Variants in DGKB observed in about 807,000 individuals in gnomAD.
The protein encoded by DGKB is 90 kDa diacylglycerol kinase.
In DGKB, 67 loss-of-function variants were observed where a neutral mutation model predicts 114.3. The observed-to-expected ratio is 0.59, with a 90% confidence interval of 0.48 to 0.72. DGKB has a LOEUF of 0.72. DGKB is among the 30% of genes least tolerant of loss of function. The probability of loss-of-function intolerance (pLI) is 0.00; values close to 1 mark genes in which losing one functional copy is unlikely to be tolerated. For missense variants in DGKB, 907 were observed against 975.2 expected, an observed-to-expected ratio of 0.93 and a Z score of 0.93; for synonymous variants, 398 against 323.1, an observed-to-expected ratio of 1.23 and a Z score of -2.49.
chr7:14,811,246 C>A (rs914732053), intron 2 of DGKB, among the ~76,000 whole-genome samples: 3 of 152,082 alleles, frequency 2.0e-5, no homozygotes, highest in Admixed American at 6.6e-5. Flanking sequence ...CTTGCTACGT[C>A]ACCTAGGCTG....
At chr7:14,715,208 A>T (rs1827999178) in intron 6 of DGKB, among the ~76,000 whole-genome samples, 1 of 152,154 alleles carries the variant, frequency 6.6e-6, no homozygotes, top group Admixed American at 6.6e-5. Flanking sequence ...AATTAAAAGT[A>T]GGAAAGTGAG....
At chr7:14,774,972 A>C (rs1837940841) in intron 2 of DGKB, among the ~76,000 whole-genome samples, 1 of 152,150 alleles carries the variant, frequency 6.6e-6, no homozygotes, top group African/African-American at 2.4e-5. Flanking sequence ...GTGTAATTAA[A>C]AATGCCCATT....
chr7:14,588,838 G>T (rs1158662849), intron 17 of DGKB, among the ~76,000 whole-genome samples: 1 of 151,950 alleles, frequency 6.6e-6, no homozygotes, highest in Admixed American at 6.6e-5. Flanking sequence ...ATATCTCAGG[G>T]CATGAAGAAT....
intron 23 of DGKB, among the ~76,000 whole-genome samples, chr7:14,196,823 T>C (rs1381148231): frequency 1.3e-5 from 2 of 152,024 alleles, no homozygotes; most frequent in African/African-American, 4.8e-5. Context: ...CCCTTGTATA[T>C]AGACATGTTG....
intron 20 of DGKB, among the ~76,000 whole-genome samples, chr7:14,531,412 A>C (rs890764240): frequency 3.3e-5 from 5 of 151,404 alleles, no homozygotes; most frequent in African/African-American, 1.2e-4. Flanking sequence ...ATATACTAGC[A>C]AGTAATAATC....
At chr7:14,503,433 A>AT (rs1328889675) in intron 20 of DGKB, among the ~76,000 whole-genome samples, 10 of 151,880 alleles carry the variant, frequency 6.6e-5, no homozygotes, top group Non-Finnish European at 1.5e-4. Context: ...CTATTACCTT[A>AT]TTTTTTACCT....
chr7:14,216,856 C>T (rs1406451255), intron 23 of DGKB, among the ~76,000 whole-genome samples: 1 of 151,740 alleles, frequency 6.6e-6, no homozygotes, highest in Admixed American at 6.6e-5. Context: ...AAAGGACTTA[C>T]ACCAATGTGT....
intron 21 of DGKB, among the ~76,000 whole-genome samples, chr7:14,386,071 T>C (rs1446771138): frequency 6.6e-6 from 1 of 152,250 alleles, no homozygotes; most frequent in Non-Finnish European, 1.5e-5. Flanking sequence ...GTGGGACTTG[T>C]TTGAACTTAT....
chr7:14,881,164 T>A (rs1011433971), intron 1 of DGKB, among the ~76,000 whole-genome samples: 1 of 152,164 alleles, frequency 6.6e-6, no homozygotes, highest in Non-Finnish European at 1.5e-5. Context: ...ATTTTGCCAA[T>A]CTGATGAGAG....
At chr7:14,951,434 T>C (rs1050995086) in intron 1 of DGKB, among the ~76,000 whole-genome samples, 4 of 151,980 alleles carry the variant, frequency 2.6e-5, no homozygotes, top group African/African-American at 9.7e-5. Flanking sequence ...ATTCAAATTA[T>C]ATAAGATCCC....
rs543116047 is a variant in DGKB at position 14,911,353 on chromosome 7, A to C, written c.-188+63343T>G. 2.3e-4 allele frequency among the ~76,000 whole-genome samples: 35 copies of C among 152,190 alleles called. No individual in the cohort carries two copies. In the South Asian group the frequency reaches 6.8e-3, roughly 30 times the overall value. On this transcript the variant is annotated intron_variant, in intron 1 of 4. Transcript: ENST00000437998. ...AAGTTATTTCATATTCTGGTGTTGG[A>C]GTATAAGTGTTTCTATTTTCATTTT...
At position 14,457,451 on chromosome 7, in the gene DGKB, A is replaced by C. The variant is rs565862770; in HGVS notation, c.1835+20710T>G. ...GTATTGCTTGCATTTTGGAAACTTT[A>C]AAAAATAATATTCTTGCTATTAATT... On this transcript the variant is annotated intron_variant, in intron 21 of 25. Transcript: ENST00000402815. Among the ~76,000 whole-genome samples, 8 of 152,334 alleles carry C rather than the reference A, an allele frequency of 5.3e-5. No homozygotes were observed. In the East Asian group the frequency reaches 1.5e-3, roughly 29 times the overall value.
At chr7:14,779,619 A>G (rs750572055) in intron 2 of DGKB, among the ~76,000 whole-genome samples, 27 of 152,216 alleles carry the variant, frequency 1.8e-4, no homozygotes, top group Non-Finnish European at 2.8e-4. Flanking sequence ...AATAAAAAGT[A>G]AAGGCTCCCA....
intron 20 of DGKB, among the ~76,000 whole-genome samples, chr7:14,567,457 A>T (rs867628593): frequency 1.4e-5 from 1 of 69,974 alleles, no homozygotes; most frequent in Non-Finnish European, 2.5e-5. Flanking sequence ...TATTATATAT[A>T]ATTATATATT....
At chr7:14,261,594 CAATT>C (rs1796786281) in intron 23 of DGKB, among the ~76,000 whole-genome samples, 1 of 152,018 alleles carries the variant, frequency 6.6e-6, no homozygotes, top group Non-Finnish European at 1.5e-5. Flanking sequence ...TATTTGGATT[CAATT>C]AATCCATAAT....
At chr7:14,808,756 G>C (rs4721376) in intron 2 of DGKB, among the ~76,000 whole-genome samples, 61,221 of 151,932 alleles carry the variant, frequency 0.4, 13,991 homozygotes, top group African/African-American at 0.62. Flanking sequence ...AGAGGCTCTT[G>C]ATGAAACAGT....
intron 23 of DGKB, among the ~76,000 whole-genome samples, chr7:14,269,384 A>G (rs934880977): frequency 6.6e-6 from 1 of 152,188 alleles, no homozygotes; most frequent in African/African-American, 2.4e-5. Context: ...CTCTGGACAA[A>G]TTTTAGAACC....
chr7:14,206,999 A>C (rs1039911045), intron 23 of DGKB, among the ~76,000 whole-genome samples: 7 of 152,082 alleles, frequency 4.6e-5, no homozygotes, highest in African/African-American at 1.7e-4. Context: ...GGAATTTATA[A>C]ATGTTGGCAA....
chr7:14,473,118 T>C (rs1325328516), intron 21 of DGKB, among the ~76,000 whole-genome samples: 1 of 152,180 alleles, frequency 6.6e-6, no homozygotes, highest in South Asian at 2.1e-4. Context: ...CTCCAGGGCA[T>C]GTCAGAGACC....
Sources: gnomAD v4.1 joint callset for allele counts (sites outside exome capture counted in the v4.1 genomes callset) on GRCh38, gnomAD v4.1.1 for gene constraint, MANE v1.5 for transcripts, NCBI Gene and HGNC (gene_info 2026-07-23, HGNC 2026-07-21) for gene names.